DISP2: variants seen among roughly 807,000 people sequenced by gnomAD.
DISP2 encodes the protein dispatched RND transporter family member 2, also known as protein dispatched homolog 2.
DISP2 carries 59 observed loss-of-function variants against 95.5 expected under a neutral mutation model. That is an observed-to-expected ratio of 0.62 (90% CI 0.50 to 0.77). The LOEUF is 0.77. Among genes scored for constraint, DISP2 ranks in the 30% least tolerant of loss-of-function variants. The pLI, the probability that DISP2 is intolerant of heterozygous loss-of-function variation, is 0.00. For synonymous variants in DISP2, 827 were observed against 815.0 expected, an observed-to-expected ratio of 1.01 and a Z score of -0.25; for missense variants, 1,752 against 1,854.6, an observed-to-expected ratio of 0.94 and a Z score of 1.02.
At chr15:40,359,922 T>C (rs780295341) in intron 1 of DISP2, among the ~76,000 whole-genome samples, 1 of 152,256 alleles carries the variant, frequency 6.6e-6, no homozygotes, top group East Asian at 1.9e-4. Context: ...TAAAATTACC[T>C]TTTTATTTTC....
At chr15:40,361,129 C>T (rs1271481948) in intron 1 of DISP2, among the ~76,000 whole-genome samples, 1 of 152,158 alleles carries the variant, frequency 6.6e-6, no homozygotes, top group Non-Finnish European at 1.5e-5. Flanking sequence ...TGCTTTAGAA[C>T]AACTTTGGTC....
chr15:40,369,046 A>G lies in DISP2; in HGVS notation c.2934A>G (p.Thr978=). The change falls in exon 8 of 8, where the codon ACA becomes ACG. Residue 978 remains threonine (T), a synonymous_variant. Coordinates refer to ENST00000267889, the MANE Select transcript of DISP2 (RefSeq NM_033510.3). Reference sequence around the variant, plus strand: ...TGGCTTTGGCGCTGGCCTTTGCCACACTGCTCCTGGGCACCTGGAATGTTC... The same window carrying G: ...TGGCTTTGGCGCTGGCCTTTGCCACGCTGCTCCTGGGCACCTGGAATGTTC... ...LGLALALAFA[T]LLLGTWNVPL... is the part of the protein sequence containing the mutation. The G allele has an allele frequency of 1.2e-6, 2 of 1,613,990 alleles. No individual in the cohort carries two copies. The highest frequency in any genetic ancestry group is 1.7e-6 in the Non-Finnish European group (2 of 1,180,028).
At position 40,358,245 on chromosome 15, in the gene DISP2, GCCGCCGCCA is replaced by G. The variant is rs905655501; in HGVS notation, c.-68_-60del. 27 of 1,008,856 alleles carry G rather than the reference GCCGCCGCCA, an allele frequency of 2.7e-5. No homozygotes were observed. In the East Asian group the frequency reaches 5.8e-4, roughly 22 times the overall value. The allele number at this position is 1,008,856 out of a possible 1,614,324, so 62.5% of individuals were successfully genotyped here. On this transcript the variant is annotated 5_prime_UTR_variant, in exon 1 of 8. Coordinates refer to ENST00000267889, the MANE Select transcript of DISP2 (RefSeq NM_033510.3). The stretch of plus-strand genomic sequence containing the variant: ...TGCGCACGAGCACCCCGCCGCCGCT[GCCGCCGCCA>G]CCGCCGCCGCCGCCGCCGCCGCCGC...
In DISP2 at chr15:40,372,477, G is replaced by A. The variant is rs1319218721; in HGVS notation, c.*2159G>A. On this transcript the variant is annotated 3_prime_UTR_variant, in exon 8 of 8. Transcript: ENST00000267889. Reference sequence around the variant, plus strand: ...TTGTGGAAGAGACAGAAGGCAATAGGCAGGTACGGCAGGATACCTTGGCTC... The same window carrying A: ...TTGTGGAAGAGACAGAAGGCAATAGACAGGTACGGCAGGATACCTTGGCTC... The A allele has an allele frequency of 6.6e-6, 1 of 152,192 alleles. No homozygotes were observed. The highest frequency in any genetic ancestry group is 1.5e-5 in the Non-Finnish European group (1 of 68,038). The allele number at this position is 152,192 out of a possible 1,614,324, so 9.4% of individuals were successfully genotyped here.
Position 40,367,985 on chromosome 15 carries a change from G to A in DISP2, c.1873G>A (p.Ala625Thr). 6.4e-7 allele frequency: 1 copy of A among 1,552,362 alleles called. No homozygotes were observed. Among genetic ancestry groups the A allele is most frequent in the East Asian group, 2.4e-5 (1 of 41,772 alleles). ...VRCLALFMGT[A>T]VLVHLALTLV... ...CTGCCTCGCCCTCTTCATGGGCACGGCTGTGCTGGTGCACCTGGCGCTCAC... is the reference window on the plus strand; with the variant it reads ...CTGCCTCGCCCTCTTCATGGGCACGACTGTGCTGGTGCACCTGGCGCTCAC... Residue 625 changes from alanine to threonine, a missense_variant, in exon 8 of 8, where the codon GCT (alanine) becomes ACT (threonine). This residue lies in a region of DISP2 where 732 missense variants were observed against 714.6 expected (regional missense o/e 1.02). Coordinates refer to ENST00000267889, the MANE Select transcript of DISP2 (RefSeq NM_033510.3).
chr15:40,376,287 T>C lies in DISP2; in HGVS notation c.*5969T>C, dbSNP rs2141267013. ...GAGTTTGAGACCAGCTTGGGCAACA[T>C]AGCAAGATCCCGTATCTACAAAAAA... On this transcript the variant is annotated 3_prime_UTR_variant, in exon 8 of 8. Transcript: ENST00000267889. 6.6e-6 allele frequency: 1 copy of C among 152,318 alleles called. No homozygotes were observed. The highest frequency in any genetic ancestry group is 2.1e-4 in the South Asian group (1 of 4,826). The allele number at this position is 152,318 out of a possible 1,614,324, so 9.4% of individuals were successfully genotyped here. A position where few individuals can be genotyped will look rare whatever the true frequency, so the allele number is the denominator to read the frequency against.
rs1566919775 is a variant in DISP2, at chr15:40,375,630, C to CG, written c.*5313dup. 1 of 152,170 alleles carries CG rather than the reference C, an allele frequency of 6.6e-6. No homozygotes were observed. The highest frequency in any genetic ancestry group is 1.9e-4 in the East Asian group (1 of 5,204). The allele number at this position is 152,170 out of a possible 1,614,324, so 9.4% of individuals were successfully genotyped here. On this transcript the variant is annotated 3_prime_UTR_variant, in exon 8 of 8. Coordinates refer to ENST00000267889, the MANE Select transcript of DISP2 (RefSeq NM_033510.3). ...ACCAAAGCCACAACTTACCTACCCCCGCTCCTGCCTGCTCCTCTCCCCATC... is the reference window on the plus strand; with the variant it reads ...ACCAAAGCCACAACTTACCTACCCCCGGCTCCTGCCTGCTCCTCTCCCCATC...
chr15:40,363,299 G>A (rs8037207), intron 1 of DISP2, among the ~76,000 whole-genome samples: 13,206 of 140,882 alleles, frequency 0.094, 800 homozygotes, highest in Non-Finnish European at 0.13. Context: ...GTGACAGAGC[G>A]AGACTCCATC....
chr15:40,363,509 A>T (rs1889439389), intron 1 of DISP2, 116 bp from the exon 2 acceptor site: 2 of 778,804 alleles, frequency 2.6e-6, no homozygotes, highest in Non-Finnish European at 3.9e-6. Context: ...AGGACTAATA[A>T]ATCAACCCTG....
chr15:40,372,915 C>T lies in DISP2; in HGVS notation c.*2597C>T, dbSNP rs1260442647. The T allele has an allele frequency of 6.6e-6, 1 of 152,188 alleles. No homozygotes were observed. Among genetic ancestry groups the T allele is most frequent in the East Asian group, 1.9e-4 (1 of 5,192 alleles). 9.4% of individuals were successfully genotyped at this position (152,188 alleles called of 1,614,324 possible). The stretch of plus-strand genomic sequence containing the variant: ...CATATTCTTGCAGGCTGTGGCCACA[C>T]AACACTTCAGGAAGGTGAATGAGCC... On this transcript the variant is annotated 3_prime_UTR_variant, in exon 8 of 8. Coordinates refer to ENST00000267889, the MANE Select transcript of DISP2 (RefSeq NM_033510.3).
chr15:40,358,444 G>T lies in DISP2; in HGVS notation c.119+4G>T. 7.6e-7 allele frequency: 1 copy of T among 1,309,098 alleles called. No individual in the cohort carries two copies. The highest frequency in any genetic ancestry group is 9.7e-7 in the Non-Finnish European group (1 of 1,028,182). The allele number at this position is 1,309,098 out of a possible 1,614,324, so 81.1% of individuals were successfully genotyped here. On this transcript the variant is annotated splice_donor_region_variant and intron_variant, in intron 1 of 7. Transcript: ENST00000267889. ...CAGACGGCGGCTCCCCGGACAGGTA[G>T]GGCGGACAGCTCCGCAGATCCGTAT...
rs1889345203 is a variant in DISP2, at chr15:40,358,256, C to CGCCGCCGCCACT, written c.-57_-56insACTGCCGCCGCC. On this transcript the variant is annotated 5_prime_UTR_variant, in exon 1 of 8. Coordinates refer to ENST00000267889, the MANE Select transcript of DISP2 (RefSeq NM_033510.3). ...ACCCCGCCGCCGCTGCCGCCGCCAC[C>CGCCGCCGCCACT]GCCGCCGCCGCCGCCGCCGCCGCGG... 1.0e-5 allele frequency: 9 copies of CGCCGCCGCCACT among 903,974 alleles called. No homozygotes were observed. In the South Asian group the frequency reaches 3.8e-4, roughly 38 times the overall value. The allele number at this position is 903,974 out of a possible 1,614,324, so 56.0% of individuals were successfully genotyped here. A position where few individuals can be genotyped will look rare whatever the true frequency, so the allele number is the denominator to read the frequency against.
chr15:40,369,278 C>G lies in DISP2; in HGVS notation c.3166C>G (p.Leu1056Val). 6.2e-7 allele frequency: 1 copy of G among 1,613,788 alleles called. No individual in the cohort carries two copies. Among genetic ancestry groups the G allele is most frequent in the Non-Finnish European group, 8.5e-7 (1 of 1,180,036 alleles). The change falls in exon 8 of 8, where the codon CTG becomes GTG. Residue 1056 changes from leucine to valine, a missense_variant. Coordinates refer to ENST00000267889, the MANE Select transcript of DISP2 (RefSeq NM_033510.3). Reference protein sequence around the residue: ...PDRLSRVAFSLRQTSCATAVG... With the variant: ...PDRLSRVAFSVRQTSCATAVG... ...CCGCCTGAGCCGTGTGGCCTTCTCT[C>G]TGCGCCAGACCAGCTGCGCCACAGC...
chr15:40,358,654 C>T (rs1889359526), intron 1 of DISP2, among the ~76,000 whole-genome samples: 1 of 152,144 alleles, frequency 6.6e-6, no homozygotes. Context: ...TGTCAGCCCC[C>T]ATCGCCCTCC....
At position 40,365,189 on chromosome 15, in the gene DISP2, T is replaced by C. The variant is rs749080598; in HGVS notation, c.762T>C (p.Ser254=). The C allele has an allele frequency of 1.8e-5, 29 of 1,614,046 alleles. No homozygotes were observed. The highest frequency in any genetic ancestry group is 2.4e-5 in the Non-Finnish European group (28 of 1,180,032). The change falls in exon 6 of 8, where the codon AGT becomes AGC. Residue 254 remains serine (S), a synonymous_variant. Transcript: ENST00000267889. ...HNTLRPAPRG[S]AQESAVRPRR... ...CTCTGAGGCCTGCACCCAGAGGCAG[T>C]GCCCAGGAGAGCGCTGTCCGGCCTC... is the stretch of plus-strand genomic sequence containing the variant.
Position 40,370,230 on chromosome 15 carries a change from G to C in DISP2, c.4118G>C (p.Ser1373Thr). 1 of 1,597,702 alleles carries C rather than the reference G, an allele frequency of 6.3e-7. No homozygotes were observed. Residue 1373 changes from serine (S) to threonine (T), a missense_variant, in exon 8 of 8, where the codon AGC becomes ACC. By Grantham distance (58) the Ser-to-Thr change is moderately conservative. Coordinates refer to ENST00000267889, the MANE Select transcript of DISP2 (RefSeq NM_033510.3). ...GGCCGAGGGGGGCCAGGGGATGGCA[G>C]CCCTGTGGTGCTGCCCAATAGCCAG... ...WKGRGGPGDG[S>T]PVVLPNSQPD...
chr15:40,370,231 C>T lies in DISP2; in HGVS notation c.4119C>T (p.Ser1373=), dbSNP rs1336674680. 1 of 1,597,800 alleles carries T rather than the reference C, an allele frequency of 6.3e-7. No homozygotes were observed. The highest frequency in any genetic ancestry group is 8.5e-7 in the Non-Finnish European group (1 of 1,173,554). Residue 1373 remains serine, a synonymous_variant, in exon 8 of 8, where the codon AGC becomes AGT. Coordinates refer to ENST00000267889, the MANE Select transcript of DISP2 (RefSeq NM_033510.3). ...WKGRGGPGDG[S]PVVLPNSQPD... is the part of the protein sequence containing the mutation. ...GCCGAGGGGGGCCAGGGGATGGCAG[C>T]CCTGTGGTGCTGCCCAATAGCCAGC...
At chr15:40,364,781 C>T (rs1432860702) in intron 4 of DISP2, 57 bp from the exon 5 acceptor site, 15 of 1,551,560 alleles carry the variant, frequency 9.7e-6, no homozygotes, top group South Asian at 1.2e-5. Flanking sequence ...CTGAGAAGCA[C>T]CCAAATGGAG....
rs1889342251 is a variant in DISP2 at position 40,358,244 on chromosome 15, TGCCGCCGCCACCGCCGCCGCCGCCGC to T, written c.-77_-52del. On this transcript the variant is annotated 5_prime_UTR_variant, in exon 1 of 8. Coordinates refer to ENST00000267889, the MANE Select transcript of DISP2 (RefSeq NM_033510.3). ...ATGCGCACGAGCACCCCGCCGCCGC[TGCCGCCGCCACCGCCGCCGCCGCCGC>T]CGCCGCCGCGGCTTCAGCACCAGCG... The T allele has an allele frequency of 1.4e-5, 11 of 779,808 alleles. No homozygotes were observed. Among genetic ancestry groups the T allele is most frequent in the Non-Finnish European group, 1.8e-5 (11 of 614,896 alleles). 48.3% of individuals were successfully genotyped at this position (779,808 alleles called of 1,614,324 possible). A position where few individuals can be genotyped will look rare whatever the true frequency, so the allele number is the denominator to read the frequency against.
Sources: gnomAD v4.1 joint callset for allele counts (sites outside exome capture counted in the v4.1 genomes callset) on GRCh38, gnomAD v4.1.1 for gene constraint, gnomAD v4.1.1 regional missense constraint, MANE v1.5 for transcripts, NCBI Gene and HGNC (gene_info 2026-07-23, HGNC 2026-07-21) for gene names.